The following CDH13 variants were observed in gnomAD, a reference collection of about 807,000 sequenced individuals.
CDH13 encodes the protein cadherin 13, also known as cadherin-13.
Under a neutral mutation model 63.8 loss-of-function variants are expected in CDH13, and 24 were observed. The ratio of observed to expected loss-of-function variants is 0.38; its 90% CI spans 0.27 to 0.53. The LOEUF (loss-of-function observed/expected upper bound fraction) is 0.53. Ranked by LOEUF, CDH13 falls within the 20% of genes least tolerant of loss-of-function variation. CDH13 has a pLI of 0.85. For synonymous variants in CDH13, 503 were observed against 355.3 expected, an observed-to-expected ratio of 1.42 and a Z score of -4.67; for missense variants, 1,049 against 903.1, an observed-to-expected ratio of 1.16 and a Z score of -2.07.
chr16:82,644,511 A>T lies in CDH13; in HGVS notation c.45+17374A>T, dbSNP rs1488093696. ...GCCATTAGCCATGCACAGTGAAACA[A>T]GGAAAGCAGCCTAGAGCTGGTCCCC... On this transcript the variant is annotated intron_variant, in intron 1 of 13. Coordinates refer to ENST00000567109, the MANE Select transcript of CDH13 (RefSeq NM_001257.5). This position sits in a 1 kb window ranked among gnomAD's most constrained non-coding sequence, Gnocchi z 5.7. Among the ~76,000 whole-genome samples the T allele has an allele frequency of 6.6e-6, 1 of 152,188 alleles. No individual in the cohort carries two copies.
intron 12 of CDH13, among the ~76,000 whole-genome samples, chr16:83,781,867 T>C (rs1212947354): frequency 6.6e-6 from 1 of 151,362 alleles, no homozygotes; most frequent in Admixed American, 6.6e-5. Flanking sequence ...CAAATCACCA[T>C]GGCACATGTT....
At chr16:82,911,939 G>A (rs563538589) in intron 2 of CDH13, among the ~76,000 whole-genome samples, 25 of 151,990 alleles carry the variant, frequency 1.6e-4, no homozygotes, top group Admixed American at 3.3e-4. Context: ...TGAACCACCC[G>A]GCACTTGCTG....
At chr16:83,177,404 A>C (rs1449571179) in intron 4 of CDH13, among the ~76,000 whole-genome samples, 1 of 152,196 alleles carries the variant, frequency 6.6e-6, no homozygotes, top group Non-Finnish European at 1.5e-5. Flanking sequence ...TCAATGAATA[A>C]GCATGTCAAC....
intron 1 of CDH13, among the ~76,000 whole-genome samples, chr16:82,659,577 C>A (rs1911692583): frequency 6.6e-6 from 1 of 152,048 alleles, no homozygotes. Context: ...AACATAACTC[C>A]CCTATTGGGA....
chr16:83,347,101 C>G (rs1303772815), intron 6 of CDH13, among the ~76,000 whole-genome samples: 1 of 152,180 alleles, frequency 6.6e-6, no homozygotes, highest in Non-Finnish European at 1.5e-5. Context: ...ACTTAGCACC[C>G]TGTAAGAGAG....
rs74911293 is a variant in CDH13, at chr16:83,282,674, G to A, written c.637-62188G>A. Among the ~76,000 whole-genome samples the A allele has an allele frequency of 3.9e-3, 600 of 152,290 alleles. 4 individuals are homozygous for A. Among genetic ancestry groups the A allele is most frequent in the African/African-American group, 0.014 (570 of 41,560 alleles). On this transcript the variant is annotated intron_variant, in intron 5 of 13. Transcript: ENST00000567109. ...TAAATCAACAAGAAAGAGACAAATA[G>A]GAAATGGAAGAAAGTTGGCAAAGAA... is the stretch of plus-strand genomic sequence containing the variant.
At chr16:83,611,028 A>G (rs1288038678) in intron 8 of CDH13, among the ~76,000 whole-genome samples, 1 of 152,060 alleles carries the variant, frequency 6.6e-6, no homozygotes, top group Non-Finnish European at 1.5e-5. Context: ...TGAGGCTTTA[A>G]TTTGTATTTC....
intron 3 of CDH13, among the ~76,000 whole-genome samples, chr16:83,114,393 C>T (rs12598770): frequency 0.4 from 60,013 of 151,854 alleles, 12,268 homozygotes; most frequent in Middle Eastern, 0.49. Flanking sequence ...CCATTTCTCC[C>T]GTATGGGGGT....
chr16:83,600,844 C>G (rs987731947), intron 7 of CDH13, among the ~76,000 whole-genome samples: 2 of 152,060 alleles, frequency 1.3e-5, no homozygotes, highest in Non-Finnish European at 2.9e-5. Flanking sequence ...TGAAGCGGCT[C>G]CAGTACAACC....
At chr16:83,193,397 C>T (rs978216270) in intron 4 of CDH13, among the ~76,000 whole-genome samples, 1 of 152,120 alleles carries the variant, frequency 6.6e-6, no homozygotes, top group African/African-American at 2.4e-5. Flanking sequence ...GCCCTGCATG[C>T]CAGTTGCGAG....
intron 3 of CDH13, 72 bp from the exon 4 acceptor site, chr16:83,125,313 C>T: frequency 1.2e-6 from 1 of 823,398 alleles, no homozygotes; most frequent in Non-Finnish European, 2.1e-6. Flanking sequence ...AACAAAGGAA[C>T]TCTATCTCGG....
chr16:82,882,033 C>T (rs2040721332), intron 2 of CDH13, among the ~76,000 whole-genome samples: 1 of 152,156 alleles, frequency 6.6e-6, no homozygotes, highest in South Asian at 2.1e-4. Flanking sequence ...TCTATTCATG[C>T]ATCTATGTTT....
At chr16:83,654,340 C>G (rs1380085064) in intron 8 of CDH13, among the ~76,000 whole-genome samples, 1 of 152,032 alleles carries the variant, frequency 6.6e-6, no homozygotes, top group African/African-American at 2.4e-5. Context: ...TGGGGTTTAT[C>G]TGAACATTAG....
chr16:83,767,981 A>G lies in CDH13; in HGVS notation c.1682-11987A>G, dbSNP rs541189756. On this transcript the variant is annotated intron_variant, in intron 11 of 13. Transcript: ENST00000567109. ...ATTAATAGTCGCAAAAATAAAGAGT[A>G]AGAAAAAAGTAAAGTAGAATTAGAA... 2.4e-4 allele frequency among the ~76,000 whole-genome samples: 36 copies of G among 152,338 alleles called. 1 individual carries two copies. Among genetic ancestry groups the G allele is most frequent in the Non-Finnish European group, 3.2e-4 (22 of 68,022 alleles).
intron 6 of CDH13, among the ~76,000 whole-genome samples, chr16:83,426,261 C>A (rs80192511): frequency 0.039 from 5,892 of 152,216 alleles, 117 homozygotes; most frequent in South Asian, 0.085. Context: ...GTTCAGTTTT[C>A]CTGTCTCCTT....
intron 6 of CDH13, among the ~76,000 whole-genome samples, chr16:83,434,856 CGTGT>C (rs951360129): frequency 0.012 from 966 of 79,948 alleles, 10 homozygotes; most frequent in African/African-American, 0.041. Flanking sequence ...TATGTGTGTG[CGTGT>C]GTGTGTGTGT....
intron 5 of CDH13, among the ~76,000 whole-genome samples, chr16:83,239,150 C>T (rs1904293141): frequency 1.3e-5 from 2 of 152,222 alleles, no homozygotes; most frequent in Middle Eastern, 3.4e-3. Flanking sequence ...ACAGCCTTAC[C>T]ATGCCATTCT....
chr16:83,160,505 C>T (rs574762977), intron 4 of CDH13, among the ~76,000 whole-genome samples: 2 of 152,218 alleles, frequency 1.3e-5, no homozygotes, highest in South Asian at 4.1e-4. Flanking sequence ...TGAATGTCAG[C>T]AAATGAATTT....
At chr16:82,691,662 T>C (rs759838895) in intron 1 of CDH13, among the ~76,000 whole-genome samples, 1 of 152,174 alleles carries the variant, frequency 6.6e-6, no homozygotes, top group African/African-American at 2.4e-5. Context: ...TGTTGTACTA[T>C]TAGGGATGGT....
Sources: gnomAD v4.1 joint callset for allele counts (sites outside exome capture counted in the v4.1 genomes callset) on GRCh38, gnomAD v4.1.1 for gene constraint, Gnocchi (gnomAD v3.1) non-coding constraint, MANE v1.5 for transcripts, NCBI Gene and HGNC (gene_info 2026-07-23, HGNC 2026-07-21) for gene names.